The following PCDHGA6 variants were observed in gnomAD, a reference collection of about 807,000 sequenced individuals.
PCDHGA6 encodes the protein protocadherin gamma subfamily A, 6.
A neutral mutation model predicts 60.6 loss-of-function variants in PCDHGA6; 41 were observed. The observed-to-expected ratio is 0.68, with a 90% CI of 0.53 to 0.88. The LOEUF (loss-of-function observed/expected upper bound fraction) is 0.88, where lower values mean the gene tolerates loss of function less well. Ranked by LOEUF, PCDHGA6 falls within the 40% of genes least tolerant of loss-of-function variation. The pLI, the probability that PCDHGA6 is intolerant of heterozygous loss-of-function variation, is 0.00. For synonymous variants in PCDHGA6, 594 were observed against 524.4 expected, an observed-to-expected ratio of 1.13 and a Z score of -1.81; for missense variants, 1,312 against 1,203.0, an observed-to-expected ratio of 1.09 and a Z score of -1.34.
intron 3 of PCDHGA6, among the ~76,000 whole-genome samples, chr5:141,510,566 A>G (rs2154594633): frequency 6.6e-6 from 1 of 152,288 alleles, no homozygotes; most frequent in South Asian, 2.1e-4. Flanking sequence ...TACATCTACC[A>G]GGCACTATTT....
intron 1 of PCDHGA6, chr5:141,408,742 A>G: frequency 6.2e-7 from 1 of 1,610,074 alleles, no homozygotes; most frequent in Non-Finnish European, 8.5e-7. Flanking sequence ...ATTTTTCATT[A>G]ATGGTTAGAG....
rs1288507078 is a variant in PCDHGA6 at position 141,476,171 on chromosome 5, G to A, written c.2425-18636G>A. On this transcript the variant is annotated intron_variant, in intron 1 of 3. Transcript: ENST00000517434. This position sits in a 1 kb window ranked among gnomAD's most constrained non-coding sequence, Gnocchi z 7.6. ...GGTAAGCACCGGGAGGGTAGTGGGA[G>A]TTTTGCTTCTGCTTGGTGCCTTGAA... The A allele has an allele frequency of 1.2e-6, 2 of 1,613,442 alleles. No individual in the cohort carries two copies. The highest frequency in any genetic ancestry group is 1.7e-6 in the Non-Finnish European group (2 of 1,179,978).
At chr5:141,380,735 C>G (rs973708229) in intron 1 of PCDHGA6, among the ~76,000 whole-genome samples, 6 of 152,066 alleles carry the variant, frequency 3.9e-5, no homozygotes, top group Admixed American at 3.3e-4. Flanking sequence ...TTCCTTTTCT[C>G]CAAAGAAGGT....
chr5:141,444,410 A>G (rs2098435910), intron 1 of PCDHGA6, among the ~76,000 whole-genome samples: 1 of 151,922 alleles, frequency 6.6e-6, no homozygotes, highest in African/African-American at 2.4e-5. Flanking sequence ...ACCTCAGGTG[A>G]TCTTCCCTCC....
chr5:141,413,690 A>T lies in PCDHGA6; in HGVS notation c.2424+37183A>T, dbSNP rs553462819. On this transcript the variant is annotated intron_variant, in intron 1 of 3. Transcript: ENST00000517434. ...CCGGATGTGGGCGTGAACTCCCTGC[A>T]GAGCTATCAGCTCAGCCCCAATAAG... 9.9e-6 allele frequency: 16 copies of T among 1,613,702 alleles called. No individual in the cohort carries two copies. The East Asian group carries it at 2.9e-4, about 29-fold the overall frequency.
At position 141,384,421 on chromosome 5, in the gene PCDHGA6, A is replaced by T. The variant is rs764678416; in HGVS notation, c.2424+7914A>T. The T allele has an allele frequency of 1.9e-6, 3 of 1,613,914 alleles. No homozygotes were observed. In the South Asian group the frequency reaches 3.3e-5, roughly 18 times the overall value. ...TCCAGTGTCCTCCTATGTCTCCATA[A>T]ACTCTGACACTGGAGTCCTGTACGC... On this transcript the variant is annotated intron_variant, in intron 1 of 3. Transcript: ENST00000517434.
intron 1 of PCDHGA6, among the ~76,000 whole-genome samples, chr5:141,448,422 T>C (rs1561930551): frequency 3.9e-5 from 6 of 152,150 alleles, no homozygotes; most frequent in Admixed American, 3.3e-4. Flanking sequence ...CAATATACTA[T>C]GTATATATTG....
intron 1 of PCDHGA6, among the ~76,000 whole-genome samples, chr5:141,406,795 C>G (rs1277584347): frequency 6.6e-6 from 1 of 152,204 alleles, no homozygotes; most frequent in African/African-American, 2.4e-5. Context: ...TTATTTCTGG[C>G]TCAATTCTCC....
intron 1 of PCDHGA6, chr5:141,419,137 C>CAGGG: frequency 6.2e-7 from 1 of 1,613,892 alleles, no homozygotes; most frequent in Non-Finnish European, 8.5e-7. Context: ...CAGCCACAGA[C>CAGGG]AGGGGCAAGC....
intron 1 of PCDHGA6, chr5:141,441,751 A>G (rs946329290): frequency 5.3e-6 from 2 of 378,094 alleles, no homozygotes; most frequent in African/African-American, 2.2e-5. Flanking sequence ...CTCGGCGTCA[A>G]CGTGAGCCTG....
chr5:141,384,543 G>A (rs767368247), intron 1 of PCDHGA6: 4 of 1,614,256 alleles, frequency 2.5e-6, no homozygotes, highest in South Asian at 1.1e-5. Context: ...ACATGTCACT[G>A]AGCCTGTTCG....
chr5:141,448,948 AAAAC>A (rs1237948751), intron 1 of PCDHGA6, among the ~76,000 whole-genome samples: 14 of 152,170 alleles, frequency 9.2e-5, no homozygotes, highest in African/African-American at 9.7e-5. Flanking sequence ...GCAACTCAAA[AAAAC>A]AAACAAACAA....
intron 1 of PCDHGA6, chr5:141,409,423 T>G: frequency 6.2e-7 from 1 of 1,614,026 alleles, no homozygotes; most frequent in Non-Finnish European, 8.5e-7. Context: ...TGGTGACAGA[T>G]GGAGCCCTGG....
chr5:141,504,836 C>A (rs550489904), intron 2 of PCDHGA6, among the ~76,000 whole-genome samples: 2 of 152,200 alleles, frequency 1.3e-5, no homozygotes, highest in East Asian at 3.9e-4. Context: ...TTTTCTCTAG[C>A]TCTGGAACAT....
At position 141,374,028 on chromosome 5, in the gene PCDHGA6, G is replaced by A. The variant is rs1417226376; in HGVS notation, c.-56G>A. ...CGCTATTTCTGAGAAGAGCAAAAGT[G>A]ATGCAGATCTGTTCTTCCTCTTCTT... On this transcript the variant is annotated 5_prime_UTR_variant, in exon 1 of 4. Coordinates refer to ENST00000517434, the MANE Select transcript of PCDHGA6 (RefSeq NM_018919.3). 7.0e-7 allele frequency: 1 copy of A among 1,418,506 alleles called. No individual in the cohort carries two copies. Among genetic ancestry groups the A allele is most frequent in the Non-Finnish European group, 9.3e-7 (1 of 1,079,680 alleles). The allele number at this position is 1,418,506 out of a possible 1,614,324, so 87.9% of individuals were successfully genotyped here. A position where few individuals can be genotyped will look rare whatever the true frequency, so the allele number is the denominator to read the frequency against.
Position 141,485,954 on chromosome 5 carries a change from C to T in PCDHGA6, c.2425-8853C>T, listed in dbSNP as rs2154580519. The T allele has an allele frequency of 6.2e-7, 1 of 1,614,190 alleles. No individual in the cohort carries two copies. The highest frequency in any genetic ancestry group is 8.5e-7 in the Non-Finnish European group (1 of 1,180,038). ...GGAGAGCGCACCAGCGGGCATGGTG[C>T]TCATCCAGCTCAATGCCTCAGACCC... On this transcript the variant is annotated intron_variant, in intron 1 of 3. Coordinates refer to ENST00000517434, the MANE Select transcript of PCDHGA6 (RefSeq NM_018919.3). The surrounding 1 kb of genome is among the most constrained non-coding windows in gnomAD (Gnocchi z 5.7).
At chr5:141,430,842 G>A (rs935750449) in intron 1 of PCDHGA6, 4 of 1,567,068 alleles carry the variant, frequency 2.6e-6, no homozygotes, top group Non-Finnish European at 3.4e-6. Flanking sequence ...GAGACCGGAT[G>A]CACCCAGATA....
chr5:141,384,158 T>A (rs1449699621), intron 1 of PCDHGA6: 1 of 1,613,550 alleles, frequency 6.2e-7, no homozygotes, highest in Non-Finnish European at 8.5e-7. Flanking sequence ...TTGTATAACA[T>A]CACACTGAAA....
At chr5:141,419,297 G>A (rs1460451634) in intron 1 of PCDHGA6, 1 of 1,614,048 alleles carries the variant, frequency 6.2e-7, no homozygotes, top group Admixed American at 1.7e-5. Context: ...CTCTGACCCA[G>A]ACTTCGGGCT....
Sources: allele counts gnomAD v4.1 joint callset (sites outside exome capture counted in the v4.1 genomes callset), GRCh38; gene constraint gnomAD v4.1.1; non-coding constraint Gnocchi (gnomAD v3.1); transcripts MANE v1.5; gene names NCBI Gene and HGNC (gene_info 2026-07-23, HGNC 2026-07-21).